The following DUSP22 variants were observed in gnomAD, a reference collection of about 807,000 sequenced individuals.
DUSP22 encodes the protein dual specificity phosphatase 22.
DUSP22 carries 24 observed loss-of-function variants against 24.5 expected under a neutral mutation model. The ratio of observed to expected loss-of-function variants is 0.98; its 90% CI spans 0.71 to 1.38. DUSP22 has a LOEUF of 1.38. DUSP22 is among the 40% of genes most tolerant of loss of function. DUSP22 has a pLI of 0.00. For synonymous variants in DUSP22, 160 were observed against 106.4 expected (o/e 1.50, Z -3.10); for missense variants, 330 against 269.2 (o/e 1.23, Z -1.58).
rs1759993898 is a variant in DUSP22 at position 348,425 on chromosome 6, G to A, written c.435+151G>A. The stretch of plus-strand genomic sequence containing the variant: ...CAGGGCGCCCAGCTGCACCCCTTCA[G>A]AAGTCGTCACGATCCCTCGTGCACC... On this transcript the variant is annotated intron_variant, in intron 6 of 6. Transcript: ENST00000419235. 4.6e-6 allele frequency: 6 copies of A among 1,309,434 alleles called. No homozygotes were observed. The East Asian group carries it at 1.5e-4, about 32-fold the overall frequency. The allele number at this position is 1,309,434 out of a possible 1,614,324, so 81.1% of individuals were successfully genotyped here. A position where few individuals can be genotyped will look rare whatever the true frequency, so the allele number is the denominator to read the frequency against.
intron 3 of DUSP22, among the ~76,000 whole-genome samples, chr6:312,286 T>C (rs1758145907): frequency 1.3e-5 from 2 of 152,308 alleles, no homozygotes. Flanking sequence ...CAGAATTATC[T>C]CTGGTTTTAA....
chr6:329,500 T>G (rs1759043182), intron 3 of DUSP22, among the ~76,000 whole-genome samples: 1 of 152,306 alleles, frequency 6.6e-6, no homozygotes, highest in East Asian at 1.9e-4. Flanking sequence ...TATCCCAGAC[T>G]GGAGTGCAGT....
intron 3 of DUSP22, among the ~76,000 whole-genome samples, chr6:322,269 T>C (rs1009775503): frequency 3.9e-5 from 6 of 152,304 alleles, no homozygotes; most frequent in African/African-American, 1.4e-4. Context: ...GTCTTGCTTT[T>C]ATGTGGTGTT....
chr6:318,894 G>A (rs1277686283), intron 3 of DUSP22, among the ~76,000 whole-genome samples: 1 of 152,308 alleles, frequency 6.6e-6, no homozygotes, highest in Non-Finnish European at 1.5e-5. Flanking sequence ...AGACGTCTGT[G>A]TGTTCACAGG....
chr6:313,485 G>T (rs2757550), intron 3 of DUSP22, among the ~76,000 whole-genome samples: 2 of 152,302 alleles, frequency 1.3e-5, no homozygotes, highest in Non-Finnish European at 2.9e-5. Context: ...TAAAACCTCA[G>T]AGCTGTGGGC....
chr6:344,974 T>C (rs1383035902), intron 4 of DUSP22, among the ~76,000 whole-genome samples: 1 of 152,294 alleles, frequency 6.6e-6, no homozygotes, highest in Non-Finnish European at 1.5e-5. Context: ...GGGGCTCCGA[T>C]TGAACATGGG....
Position 311,927 on chromosome 6 carries a change from C to T in DUSP22, c.103C>T (p.Leu35=), listed in dbSNP as rs758126554. ...QLSKNKVTHI[L]SVHDSARPML... ...GAGCAAGAACAAGGTGACACATATT[C>T]TGTCTGTCCACGATAGTGCCAGGCC... Residue 35 remains leucine, a synonymous_variant, in exon 3 of 7, where the codon CTG becomes TTG. Coordinates refer to ENST00000419235, the MANE Select transcript of DUSP22 (RefSeq NM_001286555.3). 1.2e-6 allele frequency: 2 copies of T among 1,612,796 alleles called. No individual in the cohort carries two copies. Among genetic ancestry groups the T allele is most frequent in the Non-Finnish European group, 8.5e-7 (1 of 1,179,190 alleles).
chr6:321,946 TG>T, intron 3 of DUSP22, among the ~76,000 whole-genome samples: 1 of 152,294 alleles, frequency 6.6e-6, no homozygotes, highest in Non-Finnish European at 1.5e-5. Flanking sequence ...AGCTCAGTCA[TG>T]GGTGGAATGT....
At chr6:341,927 G>A (rs1449775298) in intron 4 of DUSP22, among the ~76,000 whole-genome samples, 1 of 152,302 alleles carries the variant, frequency 6.6e-6, no homozygotes, top group Non-Finnish European at 1.5e-5. Flanking sequence ...TTTGAGATGT[G>A]GCAAGGCTGA....
intron 2 of DUSP22, among the ~76,000 whole-genome samples, chr6:307,964 A>T (rs1271739204): frequency 6.6e-6 from 1 of 152,300 alleles, no homozygotes; most frequent in African/African-American, 2.4e-5. Flanking sequence ...TATTTTTTCC[A>T]CATGAATTCT....
chr6:294,286 G>A (rs1180172541), intron 1 of DUSP22, among the ~76,000 whole-genome samples: 1 of 152,280 alleles, frequency 6.6e-6, no homozygotes, highest in African/African-American at 2.4e-5. Context: ...GAGAGATTTA[G>A]AGACTTCCCT....
At chr6:296,592 C>T (rs1406225507) in intron 1 of DUSP22, among the ~76,000 whole-genome samples, 1 of 152,300 alleles carries the variant, frequency 6.6e-6, no homozygotes, top group African/African-American at 2.4e-5. Context: ...TCTCTCGAGT[C>T]TGAACCCTCA....
At chr6:296,732 G>C (rs535884967) in intron 1 of DUSP22, among the ~76,000 whole-genome samples, 1 of 152,302 alleles carries the variant, frequency 6.6e-6, no homozygotes, top group Non-Finnish European at 1.5e-5. Flanking sequence ...TGTCAGAGAA[G>C]GCTGCCCCAA....
chr6:292,637 C>T, intron 1 of DUSP22, 77 bp downstream of exon 1: 7 of 1,540,024 alleles, frequency 4.5e-6, no homozygotes, highest in Admixed American at 2.1e-5. Context: ...GGCTGCCCGA[C>T]GACTCGAGCC....
intron 4 of DUSP22, among the ~76,000 whole-genome samples, chr6:337,773 C>G (rs1233657440): frequency 6.6e-6 from 1 of 152,306 alleles, no homozygotes; most frequent in Non-Finnish European, 1.5e-5. Flanking sequence ...CCCTCACCTC[C>G]TCCTACCCTT....
At chr6:333,823 T>C (rs1352099108) in intron 3 of DUSP22, among the ~76,000 whole-genome samples, 1 of 152,294 alleles carries the variant, frequency 6.6e-6, no homozygotes, top group African/African-American at 2.4e-5. Flanking sequence ...ACTCAGTAGC[T>C]GCCGATCCGA....
chr6:328,578 C>G (rs1339769785), intron 3 of DUSP22, among the ~76,000 whole-genome samples: 1 of 152,308 alleles, frequency 6.6e-6, no homozygotes, highest in African/African-American at 2.4e-5. Flanking sequence ...CTCTGACCTC[C>G]TGCTCCCTCC....
chr6:295,622 AAAAAAAAACCC>A (rs1369556065), intron 1 of DUSP22, among the ~76,000 whole-genome samples: 579 of 142,846 alleles, frequency 4.1e-3, no homozygotes, highest in African/African-American at 0.016. Context: ...CAAAAATACA[AAAAAAAAACCC>A]ACAAAAACAA....
intron 2 of DUSP22, among the ~76,000 whole-genome samples, chr6:306,469 T>TTGTGTG (rs1757817844): frequency 6.6e-6 from 1 of 152,302 alleles, no homozygotes; most frequent in Admixed American, 6.5e-5. Context: ...ATCTTGTGCT[T>TTGTGTG]TGTGGTTTCG....
Sources: allele counts gnomAD v4.1 joint callset (sites outside exome capture counted in the v4.1 genomes callset), GRCh38; gene constraint gnomAD v4.1.1; transcripts MANE v1.5; gene names NCBI Gene and HGNC (gene_info 2026-07-23, HGNC 2026-07-21).